Variants in BTBD8 observed in about 807,000 individuals in gnomAD.
The protein encoded by BTBD8 is BTB/POZ domain-containing protein 8.
BTBD8 carries 110 observed loss-of-function variants against 162.9 expected under a neutral mutation model. The observed-to-expected ratio is 0.68, with a 90% confidence interval of 0.58 to 0.79. The LOEUF (loss-of-function observed/expected upper bound fraction) is 0.79. BTBD8 is among the 30% of genes least tolerant of loss of function. BTBD8 has a pLI of 0.00. For missense variants in BTBD8, 1,905 were observed against 2,085.4 expected (o/e 0.91, Z 1.68); for synonymous variants, 667 against 716.1 (o/e 0.93, Z 1.10).
At chr1:92,152,185 A>G (rs1267794200) in intron 9 of BTBD8, among the ~76,000 whole-genome samples, 2 of 151,970 alleles carry the variant, frequency 1.3e-5, no homozygotes, top group East Asian at 3.9e-4. Flanking sequence ...TTTTTTTTTA[A>G]TGCGTGGGAC....
intron 4 of BTBD8, among the ~76,000 whole-genome samples, chr1:92,113,052 C>G (rs1283183240): frequency 2.6e-5 from 4 of 152,268 alleles, no homozygotes; most frequent in African/African-American, 9.6e-5. Context: ...ATTAGGGCAT[C>G]TTGATAGAGC....
At chr1:92,115,225 A>C in intron 4 of BTBD8, 1 of 491,424 alleles carries the variant, frequency 2.0e-6, no homozygotes, top group South Asian at 1.8e-5. Flanking sequence ...ATCACACCAC[A>C]GTTTCCCAGA....
chr1:92,135,517 T>C (rs901206040), intron 5 of BTBD8, among the ~76,000 whole-genome samples: 2 of 152,198 alleles, frequency 1.3e-5, no homozygotes, highest in Non-Finnish European at 2.9e-5. Flanking sequence ...CCTGTAAGCT[T>C]TTATTCTGAT....
intron 5 of BTBD8, among the ~76,000 whole-genome samples, chr1:92,135,422 C>T (rs1241966433): frequency 2.0e-5 from 3 of 152,318 alleles, no homozygotes; most frequent in East Asian, 1.9e-4. Context: ...TTTTAGTAAT[C>T]TACGTTCATG....
At chr1:92,099,818 A>T (rs1288951392) in intron 2 of BTBD8, among the ~76,000 whole-genome samples, 1 of 152,196 alleles carries the variant, frequency 6.6e-6, no homozygotes, top group Non-Finnish European at 1.5e-5. Flanking sequence ...ATAAATAAAG[A>T]TAGCTTTACT....
intron 3 of BTBD8, among the ~76,000 whole-genome samples, chr1:92,107,320 G>A (rs547699): frequency 0.71 from 108,288 of 151,986 alleles, 39,241 homozygotes; most frequent in East Asian, 0.97. Context: ...ATTTAAAAGT[G>A]TACAGTCATG....
chr1:92,169,291 T>C (rs1376031882), intron 12 of BTBD8, among the ~76,000 whole-genome samples: 3 of 152,202 alleles, frequency 2.0e-5, no homozygotes, highest in Admixed American at 1.3e-4. Flanking sequence ...AGATTAAAAG[T>C]GTAAGAAAAT....
At chr1:92,164,538 G>C (rs1453032118) in intron 9 of BTBD8, among the ~76,000 whole-genome samples, 3 of 151,940 alleles carry the variant, frequency 2.0e-5, no homozygotes, top group African/African-American at 4.8e-5. Context: ...AAAATTGCTT[G>C]AACTGGGGAG....
At chr1:92,092,530 A>G (rs1570714362) in intron 2 of BTBD8, among the ~76,000 whole-genome samples, 1 of 152,194 alleles carries the variant, frequency 6.6e-6, no homozygotes, top group African/African-American at 2.4e-5. Flanking sequence ...ACATACTGGC[A>G]CTTCATCTTG....
At chr1:92,158,353 A>G (rs1650206639) in intron 9 of BTBD8, among the ~76,000 whole-genome samples, 1 of 119,294 alleles carries the variant, frequency 8.4e-6, no homozygotes, top group South Asian at 3.1e-4. Context: ...TTTTCTTAAT[A>G]TTGATATACT....
intron 2 of BTBD8, among the ~76,000 whole-genome samples, chr1:92,099,841 G>T (rs557563960): frequency 4.6e-5 from 7 of 152,112 alleles, no homozygotes; most frequent in Non-Finnish European, 8.8e-5. Context: ...TTTCTTTACC[G>T]TGTAGATGCC....
chr1:92,117,890 G>T (rs1028356097), intron 4 of BTBD8, among the ~76,000 whole-genome samples: 1 of 151,920 alleles, frequency 6.6e-6, no homozygotes, highest in African/African-American at 2.4e-5. Context: ...GTCCTGTACT[G>T]CCTTTTTCCA....
In BTBD8 at chr1:92,184,091, GT is replaced by G. The variant is rs1253855943; in HGVS notation, c.5142del (p.Thr1715GlnfsTer8). 7 of 1,551,538 alleles carry G rather than the reference GT, an allele frequency of 4.5e-6. No individual in the cohort carries two copies. The African/African-American group carries it at 9.6e-5, about 21-fold the overall frequency. ...LLSEQDSNLD[V>X]TNSVPEDLSL... is the part of the protein sequence containing the mutation. ...CTCTGAACAGGATTCAAACTTAGAT[GT>G]TACAAATTCCGTTCCTGAAGACTTA... is the stretch of plus-strand genomic sequence containing the variant. On this transcript the variant is annotated frameshift_variant, in exon 18 of 18. Coordinates refer to ENST00000636805, the MANE Select transcript of BTBD8 (RefSeq NM_001376131.1). LOFTEE classifies it high-confidence loss of function.
intron 5 of BTBD8, among the ~76,000 whole-genome samples, chr1:92,136,895 GGCTCATAAGT>G (rs1218709483): frequency 3.3e-5 from 5 of 152,122 alleles, no homozygotes; most frequent in Admixed American, 2.6e-4. Flanking sequence ...CTCAGGGACT[GGCTCATAAGT>G]GCTCAATAGG....
At chr1:92,165,266 A>C (rs548923122) in intron 9 of BTBD8, among the ~76,000 whole-genome samples, 3 of 152,344 alleles carry the variant, frequency 2.0e-5, no homozygotes, top group African/African-American at 4.8e-5. Context: ...AGTGTCTACT[A>C]TGACCCAGTT....
intron 4 of BTBD8, chr1:92,114,899 T>G: frequency 3.1e-6 from 1 of 319,212 alleles, no homozygotes; most frequent in East Asian, 8.1e-5. Context: ...AAAGTGGTCA[T>G]TAGGGCAATG....
chr1:92,122,542 C>G (rs1649242800), intron 4 of BTBD8, among the ~76,000 whole-genome samples: 1 of 151,436 alleles, frequency 6.6e-6, no homozygotes, highest in Admixed American at 6.6e-5. Context: ...CAGGCGTGAG[C>G]CACCGCGCCT....
chr1:92,139,538 TTATAC>T, intron 6 of BTBD8, 108 bp downstream of exon 6: 2 of 1,414,440 alleles, frequency 1.4e-6, no homozygotes, highest in East Asian at 2.8e-5. Flanking sequence ...TTATAGTCTA[TTATAC>T]TATATCTTCA....
chr1:92,122,119 C>T (rs1028635612), intron 4 of BTBD8, among the ~76,000 whole-genome samples: 48 of 152,234 alleles, frequency 3.2e-4, no homozygotes, highest in African/African-American at 1.1e-3. Context: ...TTTTGAGCTT[C>T]ATCCTTGCAT....
Sources: gnomAD v4.1 joint callset for allele counts (sites outside exome capture counted in the v4.1 genomes callset) on GRCh38, gnomAD v4.1.1 for gene constraint, MANE v1.5 for transcripts, NCBI Gene and HGNC (gene_info 2026-07-23, HGNC 2026-07-21) for gene names.